The following SUGCT variants were observed in gnomAD, a reference collection of about 807,000 sequenced individuals.
SUGCT encodes succinyl-CoA:glutarate-CoA transferase.
In SUGCT, 41 loss-of-function variants were observed where a neutral mutation model predicts 55.0. That is an observed-to-expected ratio of 0.74 (90% CI 0.58 to 0.97). SUGCT has a LOEUF of 0.97. Ranked by LOEUF, SUGCT falls within the 50% of genes least tolerant of loss-of-function variation. The pLI, the probability that SUGCT is intolerant of heterozygous loss-of-function variation, is 0.00. For missense variants in SUGCT, 568 were observed against 547.8 expected (o/e 1.04, Z -0.37); for synonymous variants, 187 against 200.4 (o/e 0.93, Z 0.56).
intron 12 of SUGCT, among the ~76,000 whole-genome samples, chr7:40,611,256 G>A (rs10486811): frequency 0.26 from 38,875 of 152,004 alleles, 6,887 homozygotes; most frequent in African/African-American, 0.5. Context: ...ACAGTCAGTC[G>A]TTCCCTGTGT....
At chr7:40,513,845 G>A (rs947456851) in intron 12 of SUGCT, among the ~76,000 whole-genome samples, 3 of 144,078 alleles carry the variant, frequency 2.1e-5, no homozygotes, top group Non-Finnish European at 4.5e-5. Context: ...GCTGGAGTGC[G>A]GTGGCGCGAT....
chr7:40,690,057 A>G (rs928561505), intron 12 of SUGCT, among the ~76,000 whole-genome samples: 4 of 152,338 alleles, frequency 2.6e-5, no homozygotes, highest in African/African-American at 9.6e-5. Flanking sequence ...TTTCAAATTC[A>G]TATTTACATA....
At chr7:40,409,099 C>T (rs1013439965) in intron 9 of SUGCT, among the ~76,000 whole-genome samples, 1 of 152,126 alleles carries the variant, frequency 6.6e-6, no homozygotes, top group Non-Finnish European at 1.5e-5. Flanking sequence ...GAACTGTAGG[C>T]GCAAGCCACT....
chr7:40,837,550 C>T (rs1279058012), intron 13 of SUGCT, among the ~76,000 whole-genome samples: 1 of 152,066 alleles, frequency 6.6e-6, no homozygotes, highest in Non-Finnish European at 1.5e-5. Flanking sequence ...AAGCATTTTA[C>T]ACTTTTAATT....
intron 9 of SUGCT, among the ~76,000 whole-genome samples, chr7:40,448,820 G>A (rs1789006554): frequency 6.6e-6 from 1 of 152,068 alleles, no homozygotes; most frequent in Admixed American, 6.6e-5. Flanking sequence ...CATCCTGGGA[G>A]CCTGGGTGAC....
chr7:40,702,703 G>A (rs959143274), intron 12 of SUGCT, among the ~76,000 whole-genome samples: 8 of 152,162 alleles, frequency 5.3e-5, no homozygotes, highest in Admixed American at 4.6e-4. Context: ...TGTTTTGGGG[G>A]TTGAGAGAAC....
intron 11 of SUGCT, among the ~76,000 whole-genome samples, chr7:40,471,544 A>G (rs1790403929): frequency 6.6e-6 from 1 of 152,062 alleles, no homozygotes; most frequent in South Asian, 2.1e-4. Flanking sequence ...TGGGGCTTAC[A>G]TACAAAAAAC....
chr7:40,719,118 C>T (rs1786180882), intron 12 of SUGCT, among the ~76,000 whole-genome samples: 1 of 152,214 alleles, frequency 6.6e-6, no homozygotes, highest in Non-Finnish European at 1.5e-5. Flanking sequence ...GATCTGGCAC[C>T]TGCCATTCTC....
At chr7:40,546,948 A>G (rs983256468) in intron 12 of SUGCT, 5 of 152,204 alleles carry the variant, frequency 3.3e-5, no homozygotes, top group South Asian at 4.1e-4. Flanking sequence ...TCTTTTATGT[A>G]TTAGAGTTCT....
At chr7:40,420,302 C>T (rs1006691415) in intron 9 of SUGCT, among the ~76,000 whole-genome samples, 2 of 151,844 alleles carry the variant, frequency 1.3e-5, no homozygotes, top group African/African-American at 2.4e-5. Flanking sequence ...ATGCAAGTTG[C>T]TTTTAAGGAA....
intron 13 of SUGCT, among the ~76,000 whole-genome samples, chr7:40,750,843 A>G (rs1349353461): frequency 6.6e-6 from 1 of 152,158 alleles, no homozygotes; most frequent in Non-Finnish European, 1.5e-5. Flanking sequence ...AATGTTGACA[A>G]AAGCTAAGAA....
intron 12 of SUGCT, among the ~76,000 whole-genome samples, chr7:40,696,532 G>A (rs564318882): frequency 1.2e-4 from 19 of 152,180 alleles, no homozygotes; most frequent in Non-Finnish European, 2.1e-4. Flanking sequence ...GCCAAAACTA[G>A]CCAAATTTAT....
intron 1 of SUGCT, among the ~76,000 whole-genome samples, chr7:40,163,433 A>G (rs561608289): frequency 3.5e-4 from 53 of 152,006 alleles, no homozygotes; most frequent in Non-Finnish European, 5.9e-4. Flanking sequence ...GTGAAACCCC[A>G]TCTCTACTAC....
At chr7:40,912,426 C>A in the SUGCT span, among the ~76,000 whole-genome samples, 3 of 152,084 alleles carry the variant, frequency 2.0e-5, no homozygotes, top group Non-Finnish European at 4.4e-5. Flanking sequence ...ATTATCCAAC[C>A]AATTATAACA....
intron 12 of SUGCT, among the ~76,000 whole-genome samples, chr7:40,677,205 A>G (rs764232699): frequency 2.6e-5 from 4 of 152,124 alleles, no homozygotes; most frequent in Non-Finnish European, 4.4e-5. Flanking sequence ...TCACAGCCAG[A>G]TGTCCTATCT....
At chr7:41,018,666 A>G in the SUGCT span, among the ~76,000 whole-genome samples, 1 of 152,206 alleles carries the variant, frequency 6.6e-6, no homozygotes, top group East Asian at 1.9e-4. Flanking sequence ...GTAAGTTTCA[A>G]TCAAGGTGTC....
the SUGCT span, among the ~76,000 whole-genome samples, chr7:40,952,408 A>G: frequency 2.6e-5 from 4 of 152,072 alleles, no homozygotes; most frequent in Admixed American, 2.6e-4. Context: ...ACTTTATCCA[A>G]TTTGCCAGTC....
intron 9 of SUGCT, among the ~76,000 whole-genome samples, chr7:40,327,236 T>G (rs1213417959): frequency 6.7e-6 from 1 of 149,630 alleles, no homozygotes; most frequent in Non-Finnish European, 1.5e-5. Context: ...TTGGGATTCT[T>G]GTTAAAGCAA....
At chr7:40,339,149 C>G (rs1796898765) in intron 9 of SUGCT, among the ~76,000 whole-genome samples, 1 of 152,172 alleles carries the variant, frequency 6.6e-6, no homozygotes, top group Non-Finnish European at 1.5e-5. Context: ...AGGTGTCAGT[C>G]TGCCCCTACT....
Sources: allele counts gnomAD v4.1 joint callset (sites outside exome capture counted in the v4.1 genomes callset), GRCh38; gene constraint gnomAD v4.1.1; transcripts MANE v1.5; gene names NCBI Gene and HGNC (gene_info 2026-07-23, HGNC 2026-07-21).